The following PIWIL1 variants were observed in gnomAD, a reference collection of about 807,000 sequenced individuals.
PIWIL1 encodes piwi like RNA-mediated gene silencing 1, also known as piwi-like protein 1.
Under a neutral mutation model 114.4 loss-of-function variants are expected in PIWIL1, and 73 were observed. The observed-to-expected ratio is 0.64, with a 90% CI of 0.53 to 0.78. PIWIL1 has a LOEUF of 0.78. PIWIL1 is among the 30% of genes least tolerant of loss of function. The pLI is 0.00. For missense variants in PIWIL1, 723 were observed against 1,063.1 expected, an observed-to-expected ratio of 0.68 and a Z score of 4.45; for synonymous variants, 375 against 369.0, an observed-to-expected ratio of 1.02 and a Z score of -0.19.
chr12:130,385,101 C>T, the PIWIL1 span, among the ~76,000 whole-genome samples: 1 of 152,118 alleles, frequency 6.6e-6, no homozygotes, highest in Non-Finnish European at 1.5e-5. Context: ...TTAGTCTTTG[C>T]TTTTGATGAA....
At chr12:130,381,299 C>G in the PIWIL1 span, among the ~76,000 whole-genome samples, 1 of 152,216 alleles carries the variant, frequency 6.6e-6, no homozygotes, top group Admixed American at 6.5e-5. Flanking sequence ...TTTCATGGCC[C>G]TAACACCTCC....
At chr12:130,382,716 C>T in the PIWIL1 span, among the ~76,000 whole-genome samples, 1 of 152,150 alleles carries the variant, frequency 6.6e-6, no homozygotes, top group Admixed American at 6.5e-5. Context: ...CAATGTCTTC[C>T]TCTTCTCTCC....
Position 130,371,491 on chromosome 12 carries a change from C to T in PIWIL1, c.2479C>T (p.Arg827Cys), listed in dbSNP as rs1352248047. The T allele has an allele frequency of 3.7e-6, 6 of 1,613,926 alleles. No individual in the cohort carries two copies. Among genetic ancestry groups the T allele is most frequent in the East Asian group, 4.5e-5 (2 of 44,882 alleles). Residue 827 changes from arginine (R) to cysteine (C), a missense_variant, in exon 21 of 21, where the codon CGT (arginine) becomes TGT (cysteine). Transcript: ENST00000245255. ...TTTCCTTCCACTAAAGGGTGTCATT[C>T]GTGTTCCTGCTCCTTGCCAGTACGC... is the stretch of plus-strand genomic sequence containing the variant. The part of the protein sequence containing the change: ...HIYYNWPGVI[R>C]VPAPCQYAHK...
the PIWIL1 span, among the ~76,000 whole-genome samples, chr12:130,390,499 G>A: frequency 2.6e-5 from 4 of 152,290 alleles, no homozygotes; most frequent in Non-Finnish European, 4.4e-5. Context: ...AAAGGACTCC[G>A]GGGTCCCTCA....
At chr12:130,389,833 T>A in the PIWIL1 span, among the ~76,000 whole-genome samples, 1 of 152,246 alleles carries the variant, frequency 6.6e-6, no homozygotes, top group Non-Finnish European at 1.5e-5. Flanking sequence ...CGTATAAAGT[T>A]ATAAATTTCC....
chr12:130,393,042 T>TGCGTCAGTTA, the PIWIL1 span, among the ~76,000 whole-genome samples: 1 of 149,380 alleles, frequency 6.7e-6, no homozygotes, highest in Non-Finnish European at 1.5e-5. Flanking sequence ...ATCACGTGTG[T>TGCGTCAGTTA]CCGTCAGTTA....
the PIWIL1 span, chr12:130,406,102 A>C: frequency 5.4e-4 from 574 of 1,054,448 alleles, 1 homozygote; most frequent in African/African-American, 7.9e-3. Flanking sequence ...ACGGACTAGC[A>C]AAACAAAACA....
At chr12:130,414,460 G>C in the PIWIL1 span, 6 of 672,280 alleles carry the variant, frequency 8.9e-6, no homozygotes, top group Non-Finnish European at 1.5e-5. Context: ...TAGATCGGGA[G>C]GTCTAGGTCA....
chr12:130,421,932 G>A, the PIWIL1 span, among the ~76,000 whole-genome samples: 2 of 152,234 alleles, frequency 1.3e-5, no homozygotes, highest in African/African-American at 4.8e-5. Flanking sequence ...AATGCCAGAT[G>A]ACGACTCATG....
rs1248584906 is a variant in PIWIL1 at position 130,347,616 on chromosome 12, T to G, written c.654-487T>G. The stretch of plus-strand genomic sequence containing the variant: ...CTTTAAGTTAGTCATAAGATAACTG[T>G]CACTGATGATAGGACAATTCATTGT... On this transcript the variant is annotated intron_variant, in intron 6 of 20. Coordinates refer to ENST00000245255, the MANE Select transcript of PIWIL1 (RefSeq NM_004764.5). Among the ~76,000 whole-genome samples the G allele has an allele frequency of 9.8e-5, 15 of 152,354 alleles. No homozygotes were observed. In the East Asian group the frequency reaches 1.7e-3, roughly 18 times the overall value.
At chr12:130,422,555 C>G in the PIWIL1 span, 3 of 1,602,956 alleles carry the variant, frequency 1.9e-6, no homozygotes, top group South Asian at 3.4e-5. This position sits in a 1 kb window ranked among gnomAD's most constrained non-coding sequence, Gnocchi z 5.2. Flanking sequence ...GCTGGGTTCC[C>G]TAAAATCTAA....
chr12:130,404,064 T>C, the PIWIL1 span, among the ~76,000 whole-genome samples: 8 of 152,196 alleles, frequency 5.3e-5, no homozygotes, highest in South Asian at 4.1e-4. Flanking sequence ...TCTAAGTGAT[T>C]AGTAAGACAA....
chr12:130,354,809 C>G, intron 10 of PIWIL1, 79 bp from the exon 11 acceptor site: 1 of 1,369,908 alleles, frequency 7.3e-7, no homozygotes, highest in African/African-American at 1.5e-5. Context: ...AATTCCCACT[C>G]ACCATCACCC....
At chr12:130,379,023 A>T in the PIWIL1 span, among the ~76,000 whole-genome samples, 6 of 152,346 alleles carry the variant, frequency 3.9e-5, no homozygotes, top group African/African-American at 1.4e-4. Flanking sequence ...GATGTGCTTC[A>T]TGCATGGTTG....
the PIWIL1 span, among the ~76,000 whole-genome samples, chr12:130,389,242 A>C: frequency 1.3e-5 from 2 of 151,980 alleles, no homozygotes; most frequent in Admixed American, 6.5e-5. Flanking sequence ...TTCATGATGA[A>C]ATGGGCTTAT....
Position 130,346,465 on chromosome 12 carries a change from C to T in PIWIL1, c.412C>T (p.Pro138Ser). 6.2e-7 allele frequency: 1 copy of T among 1,613,828 alleles called. No individual in the cohort carries two copies. Among genetic ancestry groups the T allele is most frequent in the Non-Finnish European group, 8.5e-7 (1 of 1,179,706 alleles). Residue 138 changes from proline to serine, a missense_variant, in exon 5 of 21, where the codon CCA (proline) becomes TCA (serine). Pro to Ser is a moderately conservative substitution (Grantham distance 74, BLOSUM62 -1). Transcript: ENST00000245255. ...ATATCAGTATCACATTGACTATAAC[C>T]CACTGATGGAAGCCAGAAGACTCCG... is the stretch of plus-strand genomic sequence containing the variant. ...ALYQYHIDYN[P>S]LMEARRLRSA...
the PIWIL1 span, chr12:130,399,941 A>G: frequency 9.8e-7 from 1 of 1,015,972 alleles, no homozygotes; most frequent in Non-Finnish European, 1.4e-6. Flanking sequence ...AAGTGGCAGG[A>G]CTTGAAAGGA....
rs1415196762 is a variant in PIWIL1 at position 130,357,114 on chromosome 12, A to G, written c.1592+9A>G. ...ATGAGAAAAGCAATAATGTAAGTTA[A>G]TCAAGTCATTTCTGCTCTGAAAATT... On this transcript the variant is annotated intron_variant, in intron 13 of 20. Coordinates refer to ENST00000245255, the MANE Select transcript of PIWIL1 (RefSeq NM_004764.5). 1 of 1,601,730 alleles carries G rather than the reference A, an allele frequency of 6.2e-7. No homozygotes were observed. The highest frequency in any genetic ancestry group is 1.1e-5 in the South Asian group (1 of 89,880).
intron 14 of PIWIL1, among the ~76,000 whole-genome samples, chr12:130,357,960 G>T (rs540583503): frequency 6.6e-6 from 1 of 152,184 alleles, no homozygotes; most frequent in African/African-American, 2.4e-5. Context: ...GAGTAGGGTC[G>T]CAGAGAGCAG....
Sources: allele counts gnomAD v4.1 joint callset (sites outside exome capture counted in the v4.1 genomes callset), GRCh38; gene constraint gnomAD v4.1.1; non-coding constraint Gnocchi (gnomAD v3.1); transcripts MANE v1.5; gene names NCBI Gene and HGNC (gene_info 2026-07-23, HGNC 2026-07-21).